CNKSR1: variants seen among roughly 807,000 people sequenced by gnomAD.
The protein encoded by CNKSR1 is CNK homolog protein 1.
CNKSR1 carries 88 observed loss-of-function variants against 95.6 expected under a neutral mutation model. That is an observed-to-expected ratio of 0.92 (90% CI 0.78 to 1.10). The LOEUF (loss-of-function observed/expected upper bound fraction) is 1.10, where lower values mean the gene tolerates loss of function less well. CNKSR1 is among the 50% of genes least tolerant of loss of function. The pLI is 0.00. For synonymous variants in CNKSR1, 355 were observed against 369.7 expected (o/e 0.96, Z 0.46); for missense variants, 836 against 912.0 (o/e 0.92, Z 1.07).
intron 3 of CNKSR1, 95 bp from the exon 4 acceptor site, chr1:26,181,762 T>C: frequency 1.7e-6 from 2 of 1,193,284 alleles, no homozygotes; most frequent in Non-Finnish European, 2.5e-6. Flanking sequence ...GAGCAGGTAT[T>C]ATCCCCAAGT....
chr1:26,177,697 T>C, intron 1 of CNKSR1, 98 bp downstream of exon 1: 1 of 1,394,704 alleles, frequency 7.2e-7, no homozygotes, highest in Non-Finnish European at 1.0e-6. Context: ...ATCTGCGGAC[T>C]GGGTGCGCTG....
chr1:26,188,990 G>A, intron 20 of CNKSR1, 37 bp downstream of exon 20: 1 of 1,607,572 alleles, frequency 6.2e-7, no homozygotes, highest in Non-Finnish European at 8.5e-7. Context: ...AAGGGACTAG[G>A]CTCTGGGCTT....
intron 14 of CNKSR1, among the ~76,000 whole-genome samples, chr1:26,185,457 A>T (rs1274615087): frequency 6.8e-6 from 1 of 147,734 alleles, no homozygotes; most frequent in Non-Finnish European, 1.5e-5. Flanking sequence ...CAGTGGCATC[A>T]TCTCGGCTCA....
rs749115087 is a variant in CNKSR1, at chr1:26,184,425, C to T, written c.1025C>T (p.Pro342Leu). The change falls in exon 12 of 21, where the codon CCC becomes CTC. Residue 342 changes from proline (P) to leucine (L), a missense_variant. Coordinates refer to ENST00000361530, the MANE Select transcript of CNKSR1 (RefSeq NM_006314.3). The part of the protein sequence containing the change: ...WTDSASLGPE[P>L]LPIPPEPPAI... ...GACTCTGCCTCCCTTGGCCCTGAGC[C>T]CCTGCCCATCCCCCCGGAACCCCCA... is the stretch of plus-strand genomic sequence containing the variant. 1 of 1,613,496 alleles carries T rather than the reference C, an allele frequency of 6.2e-7. No homozygotes were observed. The highest frequency in any genetic ancestry group is 2.2e-5 in the East Asian group (1 of 44,800).
Position 26,188,665 on chromosome 1 carries a change from G to A in CNKSR1, c.1658G>A (p.Arg553His), listed in dbSNP as rs148602031. The change falls in exon 19 of 21, where the codon CGC becomes CAC. Residue 553 changes from arginine to histidine, a missense_variant. Coordinates refer to ENST00000361530, the MANE Select transcript of CNKSR1 (RefSeq NM_006314.3). Reference sequence around the variant, plus strand: ...TCACCTGCAGCCACCCCCACACAGCGCAGCCCACGGACCTCCTTTGGCTCT... The same window carrying A: ...TCACCTGCAGCCACCCCCACACAGCACAGCCCACGGACCTCCTTTGGCTCT... ...DTSPAATPTQ[R>H]SPRTSFGSLT... The A allele has an allele frequency of 4.0e-5, 65 of 1,613,720 alleles. No individual in the cohort carries two copies. The highest frequency in any genetic ancestry group is 3.2e-4 in the African/African-American group (24 of 74,916).
chr1:26,177,660 A>C, intron 1 of CNKSR1, 61 bp downstream of exon 1: 5 of 1,591,942 alleles, frequency 3.1e-6, no homozygotes, highest in Non-Finnish European at 4.3e-6. Context: ...CCCACCGGGA[A>C]GCGGGAGGAG....
At position 26,180,537 on chromosome 1, in the gene CNKSR1, T is replaced by C; in HGVS notation, c.137T>C (p.Leu46Pro). ...CTGCTCCAGCTCTGCCCCCAAAGCC[T>C]CGAGGCTCTGGCTGTGCGGTCTCTG... ...KNLLQLCPQS[L>P]EALAVRSLGH... The change falls in exon 2 of 21, where the codon CTC becomes CCC. Residue 46 changes from leucine (L) to proline (P), a missense_variant. By Grantham distance (98) the Leu-to-Pro change is moderately conservative. Coordinates refer to ENST00000361530, the MANE Select transcript of CNKSR1 (RefSeq NM_006314.3). 1 of 1,614,162 alleles carries C rather than the reference T, an allele frequency of 6.2e-7. No homozygotes were observed. Among genetic ancestry groups the C allele is most frequent in the East Asian group, 2.2e-5 (1 of 44,890 alleles).
chr1:26,180,507 A>G lies in CNKSR1; in HGVS notation c.107A>G (p.Lys36Arg). The part of the protein sequence containing the change: ...YPFEDWQLPG[K>R]NLLQLCPQSL... ...TTTGAGGACTGGCAGCTGCCTGGCA[A>G]GAACCTGCTCCAGCTCTGCCCCCAA... Residue 36 changes from lysine (K) to arginine (R), a missense_variant, in exon 2 of 21, where the codon AAG becomes AGG. By Grantham distance (26) the Lys-to-Arg change is conservative (BLOSUM62 2). Transcript: ENST00000361530. 6.2e-7 allele frequency: 1 copy of G among 1,614,206 alleles called. No individual in the cohort carries two copies. The highest frequency in any genetic ancestry group is 8.5e-7 in the Non-Finnish European group (1 of 1,180,050).
intron 18 of CNKSR1, 42 bp downstream of exon 18, chr1:26,188,545 A>T (rs368677102): frequency 8.7e-6 from 14 of 1,609,372 alleles, no homozygotes; most frequent in Admixed American, 5.1e-5. Context: ...GGGATAAACA[A>T]CAGGGCGTGG....
At chr1:26,181,765 C>T in intron 3 of CNKSR1, 92 bp from the exon 4 acceptor site, 2 of 1,230,972 alleles carry the variant, frequency 1.6e-6, no homozygotes, top group South Asian at 1.2e-5. Flanking sequence ...CAGGTATTAT[C>T]CCCAAGTCTC....
intron 1 of CNKSR1, among the ~76,000 whole-genome samples, chr1:26,180,003 G>T (rs909231256): frequency 6.6e-6 from 1 of 152,168 alleles, no homozygotes; most frequent in Admixed American, 6.5e-5. Flanking sequence ...GGGTGTGGTG[G>T]TGTGTGCCTG....
Position 26,184,265 on chromosome 1 carries a change from C to T in CNKSR1, c.978C>T (p.Pro326=), listed in dbSNP as rs746008112. 7.4e-6 allele frequency: 12 copies of T among 1,613,794 alleles called. No individual in the cohort carries two copies. The highest frequency in any genetic ancestry group is 1.7e-5 in the Admixed American group (1 of 60,002). The change falls in exon 11 of 21, where the codon CCC becomes CCT. Residue 326 remains proline, a synonymous_variant. Coordinates refer to ENST00000361530, the MANE Select transcript of CNKSR1 (RefSeq NM_006314.3). ...FAFDLSSNPS[P]GPSPAWTDSA... ...TTGACCTGTCTTCAAACCCCAGTCC[C>T]GGACCCAGCCCTGCCTGGACAGGTA...
intron 1 of CNKSR1, among the ~76,000 whole-genome samples, chr1:26,179,345 T>C (rs1295471498): frequency 6.6e-6 from 1 of 152,140 alleles, no homozygotes; most frequent in Non-Finnish European, 1.5e-5. Context: ...ATGGAAGGCT[T>C]CCTGGAGGAA....
In CNKSR1 at chr1:26,182,439, G is replaced by A. The variant is rs1267699358; in HGVS notation, c.519+37G>A. The A allele has an allele frequency of 2.5e-6, 4 of 1,613,734 alleles. No individual in the cohort carries two copies. The Admixed American group carries it at 5.0e-5, about 20-fold the overall frequency. ...GGGTGGGAAGAGAGTGGGGGTAGGGGCGATCGGGCTCAGGCTACATAGCCC... is the reference window on the plus strand; with the variant it reads ...GGGTGGGAAGAGAGTGGGGGTAGGGACGATCGGGCTCAGGCTACATAGCCC... On this transcript the variant is annotated intron_variant, in intron 5 of 20. Coordinates refer to ENST00000361530, the MANE Select transcript of CNKSR1 (RefSeq NM_006314.3).
In CNKSR1 at chr1:26,184,569, T is replaced by C; in HGVS notation, c.1108-16T>C. On this transcript the variant is annotated splice_polypyrimidine_tract_variant and intron_variant, in intron 12 of 20. Coordinates refer to ENST00000361530, the MANE Select transcript of CNKSR1 (RefSeq NM_006314.3). Reference sequence around the variant, plus strand: ...TGGACCTAGATCCTTCTCTCACCCTTCTGCTGTCCTTTCAGAGTCCTGTTG... The same window carrying C: ...TGGACCTAGATCCTTCTCTCACCCTCCTGCTGTCCTTTCAGAGTCCTGTTG... 1 of 1,608,112 alleles carries C rather than the reference T, an allele frequency of 6.2e-7. No individual in the cohort carries two copies. The highest frequency in any genetic ancestry group is 8.5e-7 in the Non-Finnish European group (1 of 1,177,454).
rs1207785836 is a variant in CNKSR1, at chr1:26,188,307, G to A, written c.1528G>A (p.Asp510Asn). 8 of 1,614,056 alleles carry A rather than the reference G, an allele frequency of 5.0e-6. No individual in the cohort carries two copies. Among genetic ancestry groups the A allele is most frequent in the Non-Finnish European group, 6.8e-6 (8 of 1,179,970 alleles). ...CCGGGCCCCCCCACCCCGAGAGGAA[G>A]GTAGGTGTCTCGCAGGGTTGAGTGG... Reference protein sequence around the residue: ...PGRAPPPREEDCYSETEAEDP... With the variant: ...PGRAPPPREENCYSETEAEDP... Residue 510 changes from aspartate to asparagine, a missense_variant and splice_region_variant, in exon 17 of 21, where the codon GAC becomes AAC. Physicochemically the swap from Asp to Asn is conservative, Grantham distance 23 (BLOSUM62 1). Transcript: ENST00000361530.
intron 6 of CNKSR1, 64 bp from the exon 7 acceptor site, chr1:26,183,133 G>T: frequency 1.3e-6 from 2 of 1,500,864 alleles, no homozygotes; most frequent in South Asian, 1.1e-5. Context: ...GTGTCTGGCG[G>T]GGGTCCTGCC....
intron 3 of CNKSR1, chr1:26,181,158 G>A (rs2088641103): frequency 2.4e-6 from 1 of 424,464 alleles, no homozygotes; most frequent in African/African-American, 2.0e-5. Flanking sequence ...GTGCGCACCT[G>A]TAATCCCAGC....
chr1:26,183,507 G>A (rs891773265), intron 8 of CNKSR1, 93 bp downstream of exon 8: 1 of 1,397,038 alleles, frequency 7.2e-7, no homozygotes, highest in African/African-American at 1.4e-5. Flanking sequence ...GTTCTGACCA[G>A]GGTTGTGGGA....
Sources: gnomAD v4.1 joint callset for allele counts (sites outside exome capture counted in the v4.1 genomes callset) on GRCh38, gnomAD v4.1.1 for gene constraint, MANE v1.5 for transcripts, NCBI Gene and HGNC (gene_info 2026-07-23, HGNC 2026-07-21) for gene names.